RAB11A: variants seen among roughly 807,000 people sequenced by gnomAD.
RAB11A encodes RAB11A, member RAS oncogene family.
RAB11A carries 9 observed loss-of-function variants against 28.0 expected under a neutral mutation model. That is an observed-to-expected ratio of 0.32 (90% CI 0.19 to 0.56). The LOEUF is 0.56. Among genes scored for constraint, RAB11A ranks in the 20% least tolerant of loss-of-function variants. The pLI, the probability that RAB11A is intolerant of heterozygous loss-of-function variation, is 0.91. For synonymous variants in RAB11A, 85 were observed against 88.2 expected, an observed-to-expected ratio of 0.96 and a Z score of 0.20; for missense variants, 108 against 269.6, an observed-to-expected ratio of 0.40 and a Z score of 4.20.
intron 1 of RAB11A, among the ~76,000 whole-genome samples, chr15:65,874,914 G>C (rs921882970): frequency 6.6e-6 from 1 of 152,140 alleles, no homozygotes; most frequent in Admixed American, 6.5e-5. Context: ...TGAGCGTGTT[G>C]GCATGTGCCT....
At position 65,887,946 on chromosome 15, in the gene RAB11A, A is replaced by G. The variant is rs2078264895; in HGVS notation, c.*106A>G. ...TCACTTTTGTGTTTTATTACTTCAT[A>G]CTTATGAATTTTTCCATGTCCTAAG... On this transcript the variant is annotated 3_prime_UTR_variant, in exon 5 of 5. Transcript: ENST00000261890. The G allele has an allele frequency of 1.6e-6, 2 of 1,213,712 alleles. No homozygotes were observed. Among genetic ancestry groups the G allele is most frequent in the Admixed American group, 6.0e-5 (2 of 33,240 alleles). 75.2% of individuals were successfully genotyped at this position (1,213,712 alleles called of 1,614,324 possible).
chr15:65,882,725 A>AT (rs1158910650), intron 4 of RAB11A, among the ~76,000 whole-genome samples: 1 of 152,106 alleles, frequency 6.6e-6, no homozygotes, highest in African/African-American at 2.4e-5. Context: ...TGCTGATGGT[A>AT]TTTTTTTAGA....
intron 1 of RAB11A, 124 bp downstream of exon 1, chr15:65,869,749 C>A: frequency 9.5e-7 from 1 of 1,050,496 alleles, no homozygotes; most frequent in East Asian, 2.8e-5. Context: ...CCTTTTTGTG[C>A]GGTTCCGTCT....
At chr15:65,878,457 G>A (rs1366913915) in intron 3 of RAB11A, among the ~76,000 whole-genome samples, 1 of 152,204 alleles carries the variant, frequency 6.6e-6, no homozygotes, top group Non-Finnish European at 1.5e-5. Context: ...GCTGAGGTGA[G>A]TGGATCATGA....
intron 1 of RAB11A, among the ~76,000 whole-genome samples, chr15:65,876,045 T>G (rs967273776): frequency 1.3e-5 from 2 of 152,252 alleles, no homozygotes; most frequent in Non-Finnish European, 2.9e-5. Flanking sequence ...TATAAACGTG[T>G]GAACTCATTT....
chr15:65,873,418 A>G (rs2078175132), intron 1 of RAB11A, among the ~76,000 whole-genome samples: 1 of 152,236 alleles, frequency 6.6e-6, no homozygotes, highest in Non-Finnish European at 1.5e-5. Flanking sequence ...AAATTATCAT[A>G]GGAACTTTGC....
chr15:65,887,645 T>C, intron 4 of RAB11A, 56 bp from the exon 5 acceptor site: 1 of 1,489,188 alleles, frequency 6.7e-7, no homozygotes, highest in Non-Finnish European at 9.1e-7. Flanking sequence ...GTATCTTTTA[T>C]CCTAACTATG....
rs75847203 is a variant in RAB11A at position 65,883,381 on chromosome 15, C to A, written c.511+3630C>A. On this transcript the variant is annotated intron_variant, in intron 4 of 4. Coordinates refer to ENST00000261890, the MANE Select transcript of RAB11A (RefSeq NM_004663.5). ...GTTGTGTACCTCATTTTGGGCTTTT[C>A]TGATTTCTTTCCTCATGATTAAACT... Among the ~76,000 whole-genome samples the A allele has an allele frequency of 6.6e-5, 10 of 152,230 alleles. No individual in the cohort carries two copies. In the East Asian group the frequency reaches 1.9e-3, roughly 29 times the overall value.
At chr15:65,873,731 T>C (rs2078176910) in intron 1 of RAB11A, among the ~76,000 whole-genome samples, 1 of 151,884 alleles carries the variant, frequency 6.6e-6, no homozygotes, top group African/African-American at 2.4e-5. Flanking sequence ...TTTTTTTTTT[T>C]TAAGACTATC....
chr15:65,876,925 A>G (rs1051249435), intron 1 of RAB11A, among the ~76,000 whole-genome samples: 2 of 152,192 alleles, frequency 1.3e-5, no homozygotes, highest in Non-Finnish European at 2.9e-5. Flanking sequence ...TTACATTTTA[A>G]TATCATAAAT....
intron 1 of RAB11A, among the ~76,000 whole-genome samples, chr15:65,870,709 C>G (rs1240683564): frequency 5.3e-5 from 8 of 152,228 alleles, no homozygotes; most frequent in South Asian, 2.1e-4. Flanking sequence ...ATACCTTTCC[C>G]AAAAGGTTGG....
Position 65,869,638 on chromosome 15 carries a change from G to T in RAB11A, c.40+13G>T. On this transcript the variant is annotated intron_variant, in intron 1 of 4. Transcript: ENST00000261890. ...TACCTCTTTAAAGGTGAGGCCATGG[G>T]CTCTCGCACTCTACACAGTCCTCGT... The T allele has an allele frequency of 6.2e-7, 1 of 1,610,670 alleles. No homozygotes were observed.
At chr15:65,876,595 C>T (rs2078192882) in intron 1 of RAB11A, among the ~76,000 whole-genome samples, 1 of 152,180 alleles carries the variant, frequency 6.6e-6, no homozygotes, top group South Asian at 2.1e-4. Context: ...CCACACCCGG[C>T]ACTTGCTTTG....
Position 65,888,006 on chromosome 15 carries a change from G to T in RAB11A, c.*166G>T. 1 of 680,464 alleles carries T rather than the reference G, an allele frequency of 1.5e-6. No individual in the cohort carries two copies. The highest frequency in any genetic ancestry group is 3.4e-5 in the East Asian group (1 of 29,570). The allele number at this position is 680,464 out of a possible 1,614,324, so 42.2% of individuals were successfully genotyped here. On this transcript the variant is annotated 3_prime_UTR_variant, in exon 5 of 5. Transcript: ENST00000261890. Reference sequence around the variant, plus strand: ...TTTAGCTTTATAAAATCATCCACTTGTCCCGAATGACTGCAGCTTTTTTTC... The same window carrying T: ...TTTAGCTTTATAAAATCATCCACTTTTCCCGAATGACTGCAGCTTTTTTTC...
rs962643998 is a variant in RAB11A, at chr15:65,887,401, G to T, written c.512-300G>T. On this transcript the variant is annotated intron_variant, in intron 4 of 4. Coordinates refer to ENST00000261890, the MANE Select transcript of RAB11A (RefSeq NM_004663.5). ...TTGGTCAGGCTGGTCTTGAACTCCT[G>T]ACCTCAGGTGATCTGCCTGGCCTGG... Among the ~76,000 whole-genome samples the T allele has an allele frequency of 6.6e-6, 1 of 152,120 alleles. No homozygotes were observed. Among genetic ancestry groups the T allele is most frequent in the Non-Finnish European group, 1.5e-5 (1 of 68,024 alleles).
At chr15:65,883,374 G>C (rs1007327042) in intron 4 of RAB11A, among the ~76,000 whole-genome samples, 16 of 152,056 alleles carry the variant, frequency 1.1e-4, no homozygotes, top group Middle Eastern at 3.4e-3. Context: ...CCTCATTTTG[G>C]GCTTTTCTGA....
At chr15:65,876,617 C>T (rs550255717) in intron 1 of RAB11A, among the ~76,000 whole-genome samples, 11 of 152,150 alleles carry the variant, frequency 7.2e-5, no homozygotes, top group Non-Finnish European at 1.5e-4. Context: ...TTTTGACTCA[C>T]AGTATGTCAG....
At chr15:65,884,942 TC>T (rs1248599259) in intron 4 of RAB11A, among the ~76,000 whole-genome samples, 1 of 150,958 alleles carries the variant, frequency 6.6e-6, no homozygotes, top group African/African-American at 2.4e-5. Context: ...ATATACCAAT[TC>T]CTATGCAGTC....
At chr15:65,869,764 C>T (rs915597362) in intron 1 of RAB11A, 139 bp downstream of exon 1, 6 of 885,424 alleles carry the variant, frequency 6.8e-6, no homozygotes, top group Middle Eastern at 2.8e-4. Flanking sequence ...CCGTCTCCTA[C>T]CCAGCTCAGC....
Sources: gnomAD v4.1 joint callset for allele counts (sites outside exome capture counted in the v4.1 genomes callset) on GRCh38, gnomAD v4.1.1 for gene constraint, MANE v1.5 for transcripts, NCBI Gene and HGNC (gene_info 2026-07-23, HGNC 2026-07-21) for gene names.